Variants in COBL observed in about 807,000 individuals in gnomAD.
COBL encodes the protein protein cordon-bleu.
COBL carries 51 observed loss-of-function variants against 98.8 expected under a neutral mutation model. That is an observed-to-expected ratio of 0.52 (90% CI 0.41 to 0.65). COBL has a LOEUF of 0.65. COBL is among the 30% of genes least tolerant of loss of function. The pLI is 0.00. For synonymous variants in COBL, 634 were observed against 651.7 expected (o/e 0.97, Z 0.41); for missense variants, 1,617 against 1,617.5 (o/e 1.00, Z 0.01).
intron 1 of COBL, chr7:51,259,496 G>T (rs771442767): frequency 1.6e-5 from 10 of 625,628 alleles, no homozygotes; most frequent in Admixed American, 6.1e-5. Flanking sequence ...CCATCTCCTT[G>T]AGGAAACCCA....
At chr7:51,025,586 A>C (rs1787470941) in intron 11 of COBL, among the ~76,000 whole-genome samples, 1 of 152,174 alleles carries the variant, frequency 6.6e-6, no homozygotes, top group Non-Finnish European at 1.5e-5. Context: ...ATGCAGAGAG[A>C]AGGCACTGTC....
chr7:51,172,076 G>A (rs936029151), intron 5 of COBL, among the ~76,000 whole-genome samples: 2 of 152,348 alleles, frequency 1.3e-5, no homozygotes, highest in South Asian at 2.1e-4. Context: ...TCCTTTCAAA[G>A]GCTCCGTGAA....
At chr7:51,225,126 G>A (rs1298984178) in intron 1 of COBL, among the ~76,000 whole-genome samples, 2 of 152,208 alleles carry the variant, frequency 1.3e-5, no homozygotes, top group East Asian at 3.8e-4. Context: ...GCACCATCCT[G>A]CAGCTAACAC....
intron 8 of COBL, among the ~76,000 whole-genome samples, chr7:51,040,912 T>C (rs1403961041): frequency 6.6e-6 from 1 of 152,248 alleles, no homozygotes; most frequent in Non-Finnish European, 1.5e-5. Flanking sequence ...AAGCAAACAA[T>C]GAGTCCTATG....
At chr7:51,107,092 G>GTTTTTTT (rs1160414563) in intron 6 of COBL, among the ~76,000 whole-genome samples, 5 of 63,414 alleles carry the variant, frequency 7.9e-5, no homozygotes, top group Admixed American at 1.6e-4. Context: ...TAGTTTGTTT[G>GTTTTTTT]TTTTTTTTTT....
chr7:51,252,700 G>C (rs1490311558), intron 1 of COBL, among the ~76,000 whole-genome samples: 1 of 152,188 alleles, frequency 6.6e-6, no homozygotes, highest in Non-Finnish European at 1.5e-5. Context: ...TTGGCACATA[G>C]TATCAGGTTG....
chr7:51,266,376 T>C (rs1470590293), intron 1 of COBL, among the ~76,000 whole-genome samples: 1 of 152,138 alleles, frequency 6.6e-6, no homozygotes, highest in Non-Finnish European at 1.5e-5. Flanking sequence ...GTCGGGAGTT[T>C]GAGACCATCC....
chr7:51,091,893 A>G (rs1054980228), intron 6 of COBL, among the ~76,000 whole-genome samples: 2 of 152,156 alleles, frequency 1.3e-5, no homozygotes, highest in African/African-American at 4.8e-5. Flanking sequence ...CTAAAAACGG[A>G]GAAAAAAAAC....
rs1793461088 is a variant in COBL, at chr7:51,219,881, A to G, written c.105T>C (p.Ser35=). ...CCCCATCGTGGGGGGGCTTCTGGTC[A>G]CTGTGCACATGCAGAGTGGCAGCCT... ...PGKAATLHVH[S]DQKPPHDGAL... The change falls in exon 2 of 13, where the codon AGT becomes AGC. Residue 35 remains serine, a synonymous_variant. Coordinates refer to ENST00000265136, the MANE Select transcript of COBL (RefSeq NM_015198.5). 1 of 1,613,204 alleles carries G rather than the reference A, an allele frequency of 6.2e-7. No individual in the cohort carries two copies. Among genetic ancestry groups the G allele is most frequent in the Non-Finnish European group, 8.5e-7 (1 of 1,180,030 alleles).
chr7:51,147,187 C>T, intron 5 of COBL, among the ~76,000 whole-genome samples: 1 of 152,218 alleles, frequency 6.6e-6, no homozygotes, highest in Non-Finnish European at 1.5e-5. Flanking sequence ...CCTTCCCTCT[C>T]TAGAGAACAG....
intron 7 of COBL, among the ~76,000 whole-genome samples, chr7:51,060,333 T>C (rs1001177902): frequency 5.9e-5 from 9 of 152,232 alleles, no homozygotes; most frequent in African/African-American, 2.2e-4. Context: ...TGACTTACAG[T>C]AGGCCTTATC....
intron 7 of COBL, among the ~76,000 whole-genome samples, chr7:51,074,394 C>T (rs754366346): frequency 6.6e-6 from 1 of 152,038 alleles, no homozygotes; most frequent in Non-Finnish European, 1.5e-5. Flanking sequence ...TGGGGTTTCA[C>T]TATATTGGCC....
At chr7:51,023,559 C>T (rs1394887319) in intron 12 of COBL, among the ~76,000 whole-genome samples, 5 of 152,186 alleles carry the variant, frequency 3.3e-5, no homozygotes, top group Admixed American at 6.5e-5. Flanking sequence ...AGAGAGCCAC[C>T]GAATCAGTGG....
rs1450101004 is a variant in COBL at position 51,028,196 on chromosome 7, G to A, written c.2900C>T (p.Pro967Leu). Residue 967 changes from proline (P) to leucine (L), a missense_variant, in exon 10 of 13, where the codon CCT becomes CTT. Pro to Leu is a moderately conservative substitution (Grantham distance 98). Coordinates refer to ENST00000265136, the MANE Select transcript of COBL (RefSeq NM_015198.5). Reference sequence around the variant, plus strand: ...ACAGGAGCTTCTGTGGATAGCAGCAGGTCTGTCCTGAGTAGACAACTTCCT... The same window carrying A: ...ACAGGAGCTTCTGTGGATAGCAGCAAGTCTGTCCTGAGTAGACAACTTCCT... ...PHRKLSTQDR[P>L]AAIHRSSCFS... is the part of the protein sequence containing the mutation. The A allele has an allele frequency of 4.3e-6, 7 of 1,614,256 alleles. No homozygotes were observed. In the East Asian group the frequency reaches 1.3e-4, roughly 31 times the overall value.
Position 51,024,613 on chromosome 7 carries a change from G to GT in COBL, c.3768+495dup, listed in dbSNP as rs1158257848. Among the ~76,000 whole-genome samples the GT allele has an allele frequency of 1.8e-4, 27 of 152,230 alleles. No homozygotes were observed. The East Asian group carries it at 4.8e-3, about 27-fold the overall frequency. ...CTCTGCCCAAGGGACTTCAGATTCC[G>GT]TAACTGTCCAACATTAGGCTGGAAT... On this transcript the variant is annotated intron_variant, in intron 12 of 12. Transcript: ENST00000265136.
At chr7:51,025,807 C>T (rs1386889205) in intron 11 of COBL, among the ~76,000 whole-genome samples, 1 of 152,204 alleles carries the variant, frequency 6.6e-6, no homozygotes, top group African/African-American at 2.4e-5. Flanking sequence ...TATCTTACCC[C>T]TGGACCTGAG....
At chr7:51,268,954 AT>A (rs1221215782) in intron 1 of COBL, among the ~76,000 whole-genome samples, 2 of 146,400 alleles carry the variant, frequency 1.4e-5, no homozygotes, top group African/African-American at 5.1e-5. Context: ...AAAAAAAAAA[AT>A]TCAGGCTTCC....
chr7:51,310,389 C>T (rs1311297271), intron 1 of COBL, among the ~76,000 whole-genome samples: 1 of 152,228 alleles, frequency 6.6e-6, no homozygotes, highest in African/African-American at 2.4e-5. Flanking sequence ...TTTCTTTCCA[C>T]TAATCCTCCC....
At chr7:51,295,179 A>G (rs1343831710) in intron 1 of COBL, among the ~76,000 whole-genome samples, 7 of 151,712 alleles carry the variant, frequency 4.6e-5, no homozygotes, top group Admixed American at 4.6e-4. Context: ...CCAGCTACTC[A>G]GGAGGCTGAG....
Sources: allele counts gnomAD v4.1 joint callset (sites outside exome capture counted in the v4.1 genomes callset), GRCh38; gene constraint gnomAD v4.1.1; transcripts MANE v1.5; gene names NCBI Gene and HGNC (gene_info 2026-07-23, HGNC 2026-07-21).